Variants in HIPK3 observed in about 807,000 individuals in gnomAD.
The protein encoded by HIPK3 is homeodomain interacting protein kinase 3.
Under a neutral mutation model 124.2 loss-of-function variants are expected in HIPK3, and 47 were observed. The ratio of observed to expected loss-of-function variants is 0.38; its 90% CI spans 0.30 to 0.48. The LOEUF (loss-of-function observed/expected upper bound fraction) is 0.48, where lower values mean the gene tolerates loss of function less well. Among genes scored for constraint, HIPK3 ranks in the 20% least tolerant of loss-of-function variants. The pLI, the probability that HIPK3 is intolerant of heterozygous loss-of-function variation, is 0.98. For synonymous variants in HIPK3, 482 were observed against 515.2 expected, an observed-to-expected ratio of 0.94 and a Z score of 0.87; for missense variants, 1,286 against 1,454.3, an observed-to-expected ratio of 0.88 and a Z score of 1.88.
chr11:33,351,886 G>A (rs867282574), intron 15 of HIPK3, 43 bp downstream of exon 15: 9 of 1,486,322 alleles, frequency 6.1e-6, no homozygotes, highest in Admixed American at 3.8e-5. Context: ...CTTTAAATAC[G>A]GTCTTAATTT....
rs536527650 is a variant in HIPK3, at chr11:33,325,497, G to A, written c.1098-3013G>A. ...TGGTAGTGAATCTCATTTCCACGCC[G>A]TACTTTCAAAACTGCATTTTTGCTT... On this transcript the variant is annotated intron_variant, in intron 2 of 16. Coordinates refer to ENST00000303296, the MANE Select transcript of HIPK3 (RefSeq NM_005734.5). Among the ~76,000 whole-genome samples the A allele has an allele frequency of 1.7e-4, 26 of 152,220 alleles. No homozygotes were observed. The South Asian group carries it at 5.2e-3, about 30-fold the overall frequency.
At chr11:33,349,439 A>AGGTT (rs1853593982) in intron 14 of HIPK3, 152 bp downstream of exon 14, 3 of 661,718 alleles carry the variant, frequency 4.5e-6, no homozygotes, top group South Asian at 4.3e-5. Flanking sequence ...TTATAAACAC[A>AGGTT]GGTTTGTTTG....
chr11:33,258,817 C>A, intron 1 of HIPK3: 1 of 789,496 alleles, frequency 1.3e-6, no homozygotes, highest in Non-Finnish European at 1.5e-6. Context: ...AGGCCTTGAA[C>A]CGTGTTTTCA....
intron 1 of HIPK3, among the ~76,000 whole-genome samples, chr11:33,266,762 T>G (rs574828219): frequency 9.7e-4 from 147 of 151,144 alleles, no homozygotes; most frequent in African/African-American, 3.5e-3. Context: ...ACTTTATTCA[T>G]TTTTTTTTAA....
chr11:33,324,840 A>G (rs1048275601), intron 2 of HIPK3, among the ~76,000 whole-genome samples: 13 of 151,978 alleles, frequency 8.6e-5, no homozygotes, highest in African/African-American at 3.1e-4. Flanking sequence ...CCACCCTCAG[A>G]CCCTGCTCAA....
At chr11:33,305,712 G>A (rs778570255) in intron 2 of HIPK3, among the ~76,000 whole-genome samples, 28 of 152,204 alleles carry the variant, frequency 1.8e-4, no homozygotes, top group Non-Finnish European at 2.5e-4. Context: ...ACACTGATGA[G>A]TTATTTGTTA....
At chr11:33,264,616 A>G (rs1850907838) in intron 1 of HIPK3, among the ~76,000 whole-genome samples, 1 of 152,264 alleles carries the variant, frequency 6.6e-6, no homozygotes, top group Non-Finnish European at 1.5e-5. Flanking sequence ...GCTAGAAAAT[A>G]AAAACTTGGC....
At chr11:33,271,841 T>C (rs952471302) in intron 1 of HIPK3, among the ~76,000 whole-genome samples, 1 of 152,244 alleles carries the variant, frequency 6.6e-6, no homozygotes, top group Admixed American at 6.5e-5. Flanking sequence ...AAAACTATTT[T>C]TATCATTATC....
chr11:33,284,602 G>C (rs1851498909), intron 1 of HIPK3, among the ~76,000 whole-genome samples: 1 of 152,188 alleles, frequency 6.6e-6, no homozygotes, highest in South Asian at 2.1e-4. Context: ...AGGCTGCAGT[G>C]AGCTATGATT....
At chr11:33,331,088 G>A (rs945913809) in intron 3 of HIPK3, among the ~76,000 whole-genome samples, 14 of 151,876 alleles carry the variant, frequency 9.2e-5, no homozygotes, top group Non-Finnish European at 1.9e-4. Flanking sequence ...TCATCATATT[G>A]ACGAGGCAGG....
chr11:33,288,569 A>G (rs1270178944), intron 2 of HIPK3, among the ~76,000 whole-genome samples: 3 of 152,188 alleles, frequency 2.0e-5, no homozygotes, highest in Admixed American at 1.3e-4. Flanking sequence ...GGGTAATGCT[A>G]TTTTGGTCTT....
intron 3 of HIPK3, among the ~76,000 whole-genome samples, chr11:33,332,926 G>A (rs1033450908): frequency 1.3e-5 from 2 of 152,174 alleles, no homozygotes; most frequent in Non-Finnish European, 2.9e-5. Flanking sequence ...TGGCAGAAGG[G>A]AAGGGGAGCA....
Position 33,347,617 on chromosome 11 carries a change from T to C in HIPK3, c.2020-12T>C. On this transcript the variant is annotated splice_polypyrimidine_tract_variant and intron_variant, in intron 9 of 16. Coordinates refer to ENST00000303296, the MANE Select transcript of HIPK3 (RefSeq NM_005734.5). ...CTTGTTATTTTCTATTGTTTTGCTT[T>C]GCTGCAAGCAGACGTGGTCTGGTAG... The C allele has an allele frequency of 5.0e-6, 8 of 1,610,750 alleles. No homozygotes were observed. Among genetic ancestry groups the C allele is most frequent in the Non-Finnish European group, 6.8e-6 (8 of 1,178,066 alleles).
At chr11:33,258,199 G>GGGGGGGGGCC in intron 1 of HIPK3, 1 of 636,594 alleles carries the variant, frequency 1.6e-6, no homozygotes, top group Non-Finnish European at 2.0e-6. Flanking sequence ...GGGCCCGGGG[G>GGGGGGGGGCC]CCTCGGCCCC....
chr11:33,291,924 G>A (rs1251348435), intron 2 of HIPK3, among the ~76,000 whole-genome samples: 1 of 152,046 alleles, frequency 6.6e-6, no homozygotes, highest in Non-Finnish European at 1.5e-5. Flanking sequence ...TTAACAAAAA[G>A]GTATGTAATG....
At chr11:33,265,571 C>A (rs993600640) in intron 1 of HIPK3, among the ~76,000 whole-genome samples, 1 of 145,692 alleles carries the variant, frequency 6.9e-6, no homozygotes, top group Non-Finnish European at 1.5e-5. Context: ...CACAGGAGTT[C>A]AAGACCAGAC....
intron 2 of HIPK3, among the ~76,000 whole-genome samples, chr11:33,307,402 T>G (rs1221357591): frequency 6.9e-6 from 1 of 144,556 alleles, no homozygotes; most frequent in Non-Finnish European, 1.5e-5. Flanking sequence ...TATGAAGTGT[T>G]TTTTTTTTTT....
chr11:33,287,087 A>G lies in HIPK3; in HGVS notation c.673A>G (p.Ile225Val). 6.2e-7 allele frequency: 1 copy of G among 1,614,234 alleles called. No individual in the cohort carries two copies. The highest frequency in any genetic ancestry group is 1.1e-5 in the South Asian group (1 of 91,088). Residue 225 changes from isoleucine (I) to valine (V), a missense_variant, in exon 2 of 17, where the codon ATC (isoleucine) becomes GTC (valine). Coordinates refer to ENST00000303296, the MANE Select transcript of HIPK3 (RefSeq NM_005734.5). ...AAGAGGGACAAATGAAATTGTAGCA[A>G]TCAAAATTTTGAAGAATCATCCTTC... ...WKRGTNEIVA[I>V]KILKNHPSYA... is the part of the protein sequence containing the mutation.
At chr11:33,311,692 T>TTTTTTG (rs1852341622) in intron 2 of HIPK3, among the ~76,000 whole-genome samples, 1 of 152,026 alleles carries the variant, frequency 6.6e-6, no homozygotes, top group African/African-American at 2.4e-5. Flanking sequence ...AAACACACCC[T>TTTTTTG]TTTTTGTTTT....
Sources: allele counts gnomAD v4.1 joint callset (sites outside exome capture counted in the v4.1 genomes callset), GRCh38; gene constraint gnomAD v4.1.1; transcripts MANE v1.5; gene names NCBI Gene and HGNC (gene_info 2026-07-23, HGNC 2026-07-21).